F11R: variants seen among roughly 807,000 people sequenced by gnomAD.
F11R encodes the protein F11 receptor.
In F11R, 27 loss-of-function variants were observed where a neutral mutation model predicts 39.3. The ratio of observed to expected loss-of-function variants is 0.69; its 90% CI spans 0.51 to 0.95. The LOEUF (loss-of-function observed/expected upper bound fraction) is 0.95, where lower values mean the gene tolerates loss of function less well. Among genes scored for constraint, F11R ranks in the 40% least tolerant of loss-of-function variants. The pLI is 0.00. For missense variants in F11R, 335 were observed against 372.7 expected, an observed-to-expected ratio of 0.90 and a Z score of 0.83; for synonymous variants, 131 against 144.9, an observed-to-expected ratio of 0.90 and a Z score of 0.69.
In F11R at chr1:161,021,098, G is replaced by A. The variant is rs1484414272; in HGVS notation, c.-25C>T. ...TCGCGATCAGGCTCCCGACACAACA[G>A]CCGCCGAAGGACTCCTGGGAACAGA... On this transcript the variant is annotated 5_prime_UTR_variant, in exon 1 of 10. Coordinates refer to ENST00000368026, the MANE Select transcript of F11R (RefSeq NM_016946.6). 3 of 1,603,868 alleles carry A rather than the reference G, an allele frequency of 1.9e-6. No individual in the cohort carries two copies. The highest frequency in any genetic ancestry group is 2.6e-6 in the Non-Finnish European group (3 of 1,171,690).
intron 1 of F11R, among the ~76,000 whole-genome samples, chr1:161,013,650 G>C (rs1649290266): frequency 6.6e-6 from 1 of 152,216 alleles, no homozygotes; most frequent in Non-Finnish European, 1.5e-5. Flanking sequence ...GGCTCTGTGA[G>C]GCCAACAACA....
chr1:161,019,593 CA>C (rs1055209744), intron 1 of F11R, among the ~76,000 whole-genome samples: 1,563 of 47,970 alleles, frequency 0.033, 22 homozygotes, highest in African/African-American at 0.081. Flanking sequence ...AACTCTAACT[CA>C]AAAAAAAAAA....
intron 3 of F11R, 99 bp downstream of exon 3, chr1:161,000,921 G>T: frequency 6.8e-7 from 1 of 1,462,384 alleles, no homozygotes; most frequent in Non-Finnish European, 9.5e-7. Context: ...CAGCCCCAGG[G>T]TGTGCCCTGG....
intron 1 of F11R, among the ~76,000 whole-genome samples, chr1:161,017,693 G>A (rs918490787): frequency 1.3e-5 from 2 of 152,078 alleles, no homozygotes; most frequent in Admixed American, 6.5e-5. Context: ...CTGGTTCCCC[G>A]GGTCTCCTTA....
At chr1:161,009,338 G>A (rs1357839626) in intron 1 of F11R, among the ~76,000 whole-genome samples, 6 of 151,934 alleles carry the variant, frequency 3.9e-5, no homozygotes, top group Admixed American at 1.3e-4. Flanking sequence ...CAAGTGAAAA[G>A]GGACCATGTG....
chr1:161,009,495 C>G (rs1188658622), intron 1 of F11R, among the ~76,000 whole-genome samples: 1 of 151,826 alleles, frequency 6.6e-6, no homozygotes, highest in Admixed American at 6.6e-5. Flanking sequence ...CAGTCATGCA[C>G]GCCCATGAAC....
At position 160,999,974 on chromosome 1, in the gene F11R, A is replaced by AAG. The variant is rs774006369; in HGVS notation, c.594_595dup (p.Phe199SerfsTer25). On this transcript the variant is annotated frameshift_variant, in exon 6 of 10. Transcript: ENST00000368026. LOFTEE classifies it high-confidence loss of function. ...AGTATCAGAGGCTGACAGGGGATCA[A>AAG]AGACCTGAGGAAGGAAAACAAATTG... 1 of 1,614,120 alleles carries AAG rather than the reference A, an allele frequency of 6.2e-7. No individual in the cohort carries two copies. The highest frequency in any genetic ancestry group is 8.5e-7 in the Non-Finnish European group (1 of 1,179,988).
intron 1 of F11R, among the ~76,000 whole-genome samples, chr1:161,009,173 T>C (rs1463664995): frequency 1.3e-5 from 2 of 152,182 alleles, no homozygotes; most frequent in Non-Finnish European, 2.9e-5. Context: ...CCACATTATT[T>C]TCTGGAAAAC....
chr1:161,003,881 C>T (rs1291536002), intron 1 of F11R, among the ~76,000 whole-genome samples: 3 of 152,050 alleles, frequency 2.0e-5, no homozygotes, highest in Non-Finnish European at 2.9e-5. Context: ...TCTCCTGCCT[C>T]GGCCTCCCTA....
intron 1 of F11R, among the ~76,000 whole-genome samples, chr1:161,017,747 G>GTC (rs34877050): frequency 0.24 from 36,934 of 151,946 alleles, 4,688 homozygotes; most frequent in Middle Eastern, 0.29. Context: ...TCTTTTCCAA[G>GTC]TCTCGTTCCA....
intron 1 of F11R, among the ~76,000 whole-genome samples, chr1:161,001,885 C>A (rs1287151603): frequency 6.6e-6 from 1 of 152,174 alleles, no homozygotes; most frequent in Non-Finnish European, 1.5e-5. Flanking sequence ...TGATCCTGGA[C>A]ACAAGCATGA....
intron 1 of F11R, among the ~76,000 whole-genome samples, chr1:161,019,828 G>A (rs552870768): frequency 6.6e-6 from 1 of 152,204 alleles, no homozygotes; most frequent in African/African-American, 2.4e-5. Flanking sequence ...TCCCCTTTTG[G>A]ACTTGTTTCC....
In F11R at chr1:161,000,786, A is replaced by G; in HGVS notation, c.242-9T>C. The stretch of plus-strand genomic sequence containing the variant: ...CCGGTCCTCATAGGAAGCTACCACA[A>G]GAGGAGGCAAGAGCAAGGACAGAGT... On this transcript the variant is annotated splice_polypyrimidine_tract_variant and intron_variant, in intron 3 of 9. Transcript: ENST00000368026. The G allele has an allele frequency of 6.2e-7, 1 of 1,614,168 alleles. No individual in the cohort carries two copies. Among genetic ancestry groups the G allele is most frequent in the Non-Finnish European group, 8.5e-7 (1 of 1,180,022 alleles).
intron 1 of F11R, among the ~76,000 whole-genome samples, chr1:161,006,428 A>G (rs1648823068): frequency 6.6e-6 from 1 of 152,158 alleles, no homozygotes; most frequent in Non-Finnish European, 1.5e-5. Flanking sequence ...AAACACACAT[A>G]TACACACAAA....
At chr1:161,003,115 ATTTTTGTATT>A (rs1648588155) in intron 1 of F11R, among the ~76,000 whole-genome samples, 1 of 99,384 alleles carries the variant, frequency 1.0e-5, no homozygotes, top group African/African-American at 3.4e-5. Flanking sequence ...ATGCCGGCTA[ATTTTTGTATT>A]TTTTTTTTTT....
In F11R at chr1:161,009,544, C is replaced by T. The variant is rs146756763; in HGVS notation, c.65-8191G>A. On this transcript the variant is annotated intron_variant, in intron 1 of 9. Transcript: ENST00000368026. ...AGGATGTAATTCCTGGAAATTACTA[C>T]GTACCTGAATAATAATAATGAAACA... Among the ~76,000 whole-genome samples the T allele has an allele frequency of 3.7e-3, 561 of 151,972 alleles. 2 individuals are homozygous for T. Among genetic ancestry groups the T allele is most frequent in the Non-Finnish European group, 6.2e-3 (422 of 68,024 alleles).
At position 160,995,898 on chromosome 1, in the gene F11R, A is replaced by G. The variant is rs3737785; in HGVS notation, c.*2973T>C. 34,149 of 152,276 alleles carry G rather than the reference A, an allele frequency of 0.22. 4,559 individuals carry two copies. The highest frequency in any genetic ancestry group is 0.29 in the Non-Finnish European group (19,635 of 67,982). The allele number at this position is 152,276 out of a possible 1,614,324, so 9.4% of individuals were successfully genotyped here. A position where few individuals can be genotyped will look rare whatever the true frequency, so the allele number is the denominator to read the frequency against. ...AACAACAAACACATCCTTAACACTC[A>G]ATCATTTTATCCCAGATTATGCTGA... On this transcript the variant is annotated 3_prime_UTR_variant, in exon 10 of 10. Transcript: ENST00000368026.
chr1:160,999,969 G>A lies in F11R; in HGVS notation c.601C>T (p.Pro201Ser), dbSNP rs144466757. ...TCTCCAGTATCAGAGGCTGACAGGG[G>A]ATCAAAGACCTGAGGAAGGAAAACA... ...NPTTGELVFD[P>S]LSASDTGEYS... Residue 201 changes from proline (P) to serine (S), a missense_variant, in exon 6 of 10, where the codon CCC becomes TCC. Pro to Ser is a moderately conservative substitution (Grantham distance 74, BLOSUM62 -1). Coordinates refer to ENST00000368026, the MANE Select transcript of F11R (RefSeq NM_016946.6). 3.1e-6 allele frequency: 5 copies of A among 1,613,936 alleles called. No homozygotes were observed. In the African/African-American group the frequency reaches 6.7e-5, roughly 22 times the overall value.
chr1:161,016,317 A>G (rs1329683823), intron 1 of F11R, among the ~76,000 whole-genome samples: 3 of 152,142 alleles, frequency 2.0e-5, no homozygotes, highest in Non-Finnish European at 4.4e-5. Flanking sequence ...TCAACTAAAA[A>G]TAGAAAAAAT....
Sources: allele counts gnomAD v4.1 joint callset (sites outside exome capture counted in the v4.1 genomes callset), GRCh38; gene constraint gnomAD v4.1.1; transcripts MANE v1.5; gene names NCBI Gene and HGNC (gene_info 2026-07-23, HGNC 2026-07-21).